Variants in CMYA5 observed in about 807,000 individuals in gnomAD.
The protein encoded by CMYA5 is cardiomyopathy associated 5.
In CMYA5, 246 loss-of-function variants were observed where a neutral mutation model predicts 318.9. The observed-to-expected ratio is 0.77, with a 90% CI of 0.70 to 0.86. The LOEUF is 0.86. Ranked by LOEUF, CMYA5 falls within the 40% of genes least tolerant of loss-of-function variation. The probability of loss-of-function intolerance (pLI) is 0.00; values close to 1 mark genes in which losing one functional copy is unlikely to be tolerated. For synonymous variants in CMYA5, 1,641 were observed against 1,729.5 expected, an observed-to-expected ratio of 0.95 and a Z score of 1.27; for missense variants, 4,589 against 4,678.2, an observed-to-expected ratio of 0.98 and a Z score of 0.56.
chr5:79,711,593 T>A (rs563849607), intron 1 of CMYA5, among the ~76,000 whole-genome samples: 1 of 152,328 alleles, frequency 6.6e-6, no homozygotes, highest in South Asian at 2.1e-4. Context: ...AAGATAAAGA[T>A]TCCCATATAC....
Position 79,728,985 on chromosome 5 carries a change from G to A in CMYA5, c.220G>A (p.Val74Met), listed in dbSNP as rs1407317996. 2 of 1,613,678 alleles carry A rather than the reference G, an allele frequency of 1.2e-6. No individual in the cohort carries two copies. The highest frequency in any genetic ancestry group is 2.2e-5 in the South Asian group (2 of 91,048). ...CATATCTGACCCCTCCTTTTCCATG[G>A]TGACAGTCCAAAGGGAAGATAGTGG... ...YIISDPSFSM[V>M]TVQREDSGIT... The change falls in exon 2 of 13, where the codon GTG (valine) becomes ATG (methionine). Residue 74 changes from valine (V) to methionine (M), a missense_variant. Around this residue, in one of 3 missense-constraint regions of CMYA5, gnomAD observed 2,132 missense variants for 2,131.3 expected, o/e 1.00. Coordinates refer to ENST00000446378, the MANE Select transcript of CMYA5 (RefSeq NM_153610.5).
intron 5 of CMYA5, among the ~76,000 whole-genome samples, chr5:79,750,269 C>T (rs1005082618): frequency 1.3e-5 from 2 of 152,134 alleles, no homozygotes; most frequent in African/African-American, 4.8e-5. Flanking sequence ...AAATACAGTA[C>T]AGTACTGTAA....
At chr5:79,764,157 CT>C (rs745543322) in intron 9 of CMYA5, among the ~76,000 whole-genome samples, 13 of 152,058 alleles carry the variant, frequency 8.5e-5, no homozygotes, top group Non-Finnish European at 1.2e-4. Flanking sequence ...CCCTACCCCC[CT>C]GCCCCCAAAA....
At chr5:79,715,314 G>A (rs1038757454) in intron 1 of CMYA5, among the ~76,000 whole-genome samples, 1 of 151,206 alleles carries the variant, frequency 6.6e-6, no homozygotes, top group African/African-American at 2.4e-5. Context: ...CTGTGACAGA[G>A]TCTCGCTCTG....
chr5:79,789,400 A>G (rs1829137458), intron 10 of CMYA5, among the ~76,000 whole-genome samples: 3 of 150,332 alleles, frequency 2.0e-5, no homozygotes, highest in Non-Finnish European at 3.0e-5. Context: ...GGGCTCAAAC[A>G]TTTATGTTTT....
At chr5:79,714,787 A>G (rs1461987940) in intron 1 of CMYA5, among the ~76,000 whole-genome samples, 1 of 152,156 alleles carries the variant, frequency 6.6e-6, no homozygotes, top group African/African-American at 2.4e-5. Flanking sequence ...ATGTCACACT[A>G]TATGATAACA....
chr5:79,706,598 G>A (rs149136997), intron 1 of CMYA5, among the ~76,000 whole-genome samples: 3,291 of 152,140 alleles, frequency 0.022, 117 homozygotes, highest in African/African-American at 0.074. Context: ...CCCCTCATGC[G>A]TCCGTTTATA....
chr5:79,700,036 G>A (rs1827145126), intron 1 of CMYA5, among the ~76,000 whole-genome samples: 1 of 152,186 alleles, frequency 6.6e-6, no homozygotes, highest in South Asian at 2.1e-4. Context: ...TTATTTATCT[G>A]AATAACTGAC....
Position 79,761,950 on chromosome 5 carries a change from TAGGACAGGTA to T in CMYA5, c.11405_11407+7del. On this transcript the variant is annotated splice_donor_variant and splice_donor_region_variant and coding_sequence_variant and intron_variant, in exon 8 of 13. Transcript: ENST00000446378. LOFTEE classifies it high-confidence loss of function. The stretch of plus-strand genomic sequence containing the variant: ...GCCTGCCCAGTGAAAGGGCCATCTT[TAGGACAGGTA>T]AGGAGATGGATGCTAAGGGTGCATT... 6.2e-7 allele frequency: 1 copy of T among 1,612,932 alleles called. No individual in the cohort carries two copies. The highest frequency in any genetic ancestry group is 1.1e-5 in the South Asian group (1 of 90,724).
At chr5:79,726,011 A>G (rs1827740686) in intron 1 of CMYA5, among the ~76,000 whole-genome samples, 1 of 152,232 alleles carries the variant, frequency 6.6e-6, no homozygotes, top group Non-Finnish European at 1.5e-5. Flanking sequence ...AGTGCTTTAT[A>G]TTTGTACTCC....
At chr5:79,694,092 G>A (rs1016035640) in intron 1 of CMYA5, among the ~76,000 whole-genome samples, 2 of 152,144 alleles carry the variant, frequency 1.3e-5, no homozygotes, top group African/African-American at 4.8e-5. Context: ...AAGGTAATGG[G>A]GCGAGTGGTC....
At chr5:79,702,544 A>T (rs1431716581) in intron 1 of CMYA5, among the ~76,000 whole-genome samples, 2 of 152,226 alleles carry the variant, frequency 1.3e-5, no homozygotes, top group Non-Finnish European at 2.9e-5. Context: ...AAATGCCCAG[A>T]ATAGGCAAAT....
In CMYA5 at chr5:79,729,839, G is replaced by A. The variant is rs373129329; in HGVS notation, c.1074G>A (p.Arg358=). ...GAGCAGAACAAGGAATACAGCTCAG[G>A]CATTCACAGTCAGTGCCACAACAGC... The part of the protein sequence containing the change: ...SGRAEQGIQL[R]HSQSVPQQPE... The change falls in exon 2 of 13, where the codon AGG becomes AGA. Residue 358 remains arginine, a synonymous_variant. Coordinates refer to ENST00000446378, the MANE Select transcript of CMYA5 (RefSeq NM_153610.5). 1.2e-6 allele frequency: 2 copies of A among 1,612,786 alleles called. No homozygotes were observed. Among genetic ancestry groups the A allele is most frequent in the African/African-American group, 1.3e-5 (1 of 74,918 alleles).
intron 1 of CMYA5, among the ~76,000 whole-genome samples, chr5:79,705,636 G>C (rs565680041): frequency 2.2e-4 from 34 of 152,236 alleles, no homozygotes; most frequent in African/African-American, 7.9e-4. Flanking sequence ...CTGAAGAAAG[G>C]TCTATATTGA....
intron 1 of CMYA5, among the ~76,000 whole-genome samples, chr5:79,710,252 A>G (rs888883644): frequency 1.3e-4 from 20 of 152,104 alleles, no homozygotes; most frequent in Admixed American, 6.5e-5. Context: ...TTTATAAAAT[A>G]TGTTATTGAT....
chr5:79,765,874 T>C (rs1002374702), intron 9 of CMYA5, among the ~76,000 whole-genome samples: 2 of 152,232 alleles, frequency 1.3e-5, no homozygotes, highest in African/African-American at 4.8e-5. Flanking sequence ...GCTTATCAGC[T>C]TAAGGAGATT....
At chr5:79,719,906 A>G (rs1303191016) in intron 1 of CMYA5, among the ~76,000 whole-genome samples, 1 of 152,238 alleles carries the variant, frequency 6.6e-6, no homozygotes, top group Admixed American at 6.5e-5. Flanking sequence ...GAAAGCAATG[A>G]AAAGAATGGA....
At chr5:79,744,127 A>G (rs921738757) in intron 3 of CMYA5, among the ~76,000 whole-genome samples, 2 of 152,180 alleles carry the variant, frequency 1.3e-5, no homozygotes, top group Non-Finnish European at 2.9e-5. Context: ...TGGATAAAAG[A>G]TTTGCCGGTA....
chr5:79,758,938 T>A, intron 7 of CMYA5, 36 bp downstream of exon 7: 1 of 1,484,084 alleles, frequency 6.7e-7, no homozygotes, highest in Non-Finnish European at 9.1e-7. Context: ...TGCATATGCA[T>A]ATTCATGCAT....
Sources: gnomAD v4.1 joint callset for allele counts (sites outside exome capture counted in the v4.1 genomes callset) on GRCh38, gnomAD v4.1.1 for gene constraint, gnomAD v4.1.1 regional missense constraint, MANE v1.5 for transcripts, NCBI Gene and HGNC (gene_info 2026-07-23, HGNC 2026-07-21) for gene names.